GRIP1: variants seen among roughly 807,000 people sequenced by gnomAD.
GRIP1 encodes the protein glutamate receptor-interacting protein 1.
A neutral mutation model predicts 129.9 loss-of-function variants in GRIP1; 45 were observed. That is an observed-to-expected ratio of 0.35 (90% confidence interval 0.27 to 0.44). GRIP1 has a LOEUF of 0.44. Among genes scored for constraint, GRIP1 ranks in the 20% least tolerant of loss-of-function variants. The probability of loss-of-function intolerance (pLI) is 1.00; values close to 1 mark genes in which losing one functional copy is unlikely to be tolerated. For missense variants in GRIP1, 1,196 were observed against 1,396.8 expected (o/e 0.86, Z 2.29); for synonymous variants, 530 against 520.8 (o/e 1.02, Z -0.24).
intron 2 of GRIP1, among the ~76,000 whole-genome samples, chr12:66,563,151 A>G (rs1429968016): frequency 2.0e-5 from 3 of 152,130 alleles, no homozygotes; most frequent in Non-Finnish European, 4.4e-5. Context: ...CAGTTATACT[A>G]TATATACAGT....
intron 1 of GRIP1, among the ~76,000 whole-genome samples, chr12:67,066,287 T>C (rs1025004464): frequency 2.0e-5 from 3 of 152,192 alleles, no homozygotes; most frequent in Non-Finnish European, 4.4e-5. Flanking sequence ...CCCTCAATCT[T>C]TGAATTGAGA....
At chr12:66,797,128 A>G (rs1193381867) in intron 1 of GRIP1, among the ~76,000 whole-genome samples, 1 of 152,166 alleles carries the variant, frequency 6.6e-6, no homozygotes, top group Non-Finnish European at 1.5e-5. Context: ...AGCAGATTAA[A>G]AATTCTATTA....
intron 16 of GRIP1, among the ~76,000 whole-genome samples, chr12:66,400,529 T>A (rs1269783600): frequency 1.3e-5 from 2 of 152,192 alleles, no homozygotes; most frequent in East Asian, 3.9e-4. Flanking sequence ...AAAATATGAA[T>A]CTGTCTTCAA....
chr12:66,841,415 A>AAG (rs967978386), intron 1 of GRIP1, among the ~76,000 whole-genome samples: 7 of 152,254 alleles, frequency 4.6e-5, no homozygotes, highest in Non-Finnish European at 5.9e-5. Context: ...TTTCTATAAA[A>AAG]AGAGAGAGAG....
chr12:66,383,618 G>T (rs754730956), intron 19 of GRIP1, among the ~76,000 whole-genome samples: 2 of 152,166 alleles, frequency 1.3e-5, no homozygotes, highest in African/African-American at 2.4e-5. Context: ...TGTGCTGTGC[G>T]GTAAGCAAGC....
intron 1 of GRIP1, among the ~76,000 whole-genome samples, chr12:66,825,269 T>C (rs1228475391): frequency 6.6e-6 from 1 of 152,210 alleles, no homozygotes; most frequent in African/African-American, 2.4e-5. Flanking sequence ...ATAAAAATTT[T>C]TGCTTCGTAA....
intron 1 of GRIP1, among the ~76,000 whole-genome samples, chr12:67,004,136 G>A (rs1339216837): frequency 6.6e-6 from 1 of 152,136 alleles, no homozygotes; most frequent in Admixed American, 6.5e-5. Flanking sequence ...CTACTAATCT[G>A]CAAAGACTCT....
chr12:66,446,338 C>T (rs2058628538), intron 11 of GRIP1, among the ~76,000 whole-genome samples: 2 of 152,232 alleles, frequency 1.3e-5, no homozygotes, highest in South Asian at 2.1e-4. Flanking sequence ...TGTGGCCACC[C>T]GTGCTCTCTG....
chr12:66,522,050 CCT>C, intron 5 of GRIP1, among the ~76,000 whole-genome samples: 1 of 152,332 alleles, frequency 6.6e-6, no homozygotes, highest in African/African-American at 2.4e-5. Context: ...GGCCTGCCTG[CCT>C]CTGTAGGATC....
chr12:66,895,454 CT>C (rs1426703336), intron 1 of GRIP1, among the ~76,000 whole-genome samples: 9 of 152,144 alleles, frequency 5.9e-5, no homozygotes, highest in Non-Finnish European at 7.4e-5. Context: ...ATCTCTTTTT[CT>C]TTATAAATTA....
chr12:66,406,055 TTATAA>T (rs1467635352), intron 16 of GRIP1, among the ~76,000 whole-genome samples: 26 of 152,354 alleles, frequency 1.7e-4, no homozygotes, highest in African/African-American at 6.3e-4. Flanking sequence ...TTTCATGCAA[TTATAA>T]TATGTTTTCT....
At chr12:66,385,812 G>A (rs2056334259) in intron 19 of GRIP1, among the ~76,000 whole-genome samples, 1 of 152,036 alleles carries the variant, frequency 6.6e-6, no homozygotes, top group African/African-American at 2.4e-5. Context: ...GTTTCACCAT[G>A]TTGGCCAGGC....
intron 2 of GRIP1, among the ~76,000 whole-genome samples, chr12:66,547,886 T>C (rs2061995140): frequency 6.6e-6 from 1 of 152,198 alleles, no homozygotes; most frequent in Non-Finnish European, 1.5e-5. Flanking sequence ...TACATATAGT[T>C]CTGTAGATAT....
intron 13 of GRIP1, 81 bp downstream of exon 13, chr12:66,444,503 A>AAT: frequency 8.0e-7 from 1 of 1,247,728 alleles, no homozygotes; most frequent in African/African-American, 1.6e-5. Context: ...AAAAAAAAAA[A>AAT]AAAAAAAAAA....
At chr12:66,634,807 C>T (rs1000490972) in intron 1 of GRIP1, among the ~76,000 whole-genome samples, 15 of 152,202 alleles carry the variant, frequency 9.9e-5, no homozygotes, top group Non-Finnish European at 1.8e-4. Flanking sequence ...CCCCTGCCTA[C>T]GGGGTATCAT....
intron 7 of GRIP1, among the ~76,000 whole-genome samples, chr12:66,467,106 G>A (rs1265806356): frequency 6.6e-6 from 1 of 152,182 alleles, no homozygotes; most frequent in Non-Finnish European, 1.5e-5. Context: ...AGATTGAAAT[G>A]TTAGTCCTTA....
chr12:66,814,864 G>A (rs1385944254), intron 1 of GRIP1, among the ~76,000 whole-genome samples: 1 of 151,922 alleles, frequency 6.6e-6, no homozygotes, highest in Non-Finnish European at 1.5e-5. Flanking sequence ...GCAGCAGGAT[G>A]GAGTGAGTGT....
intron 1 of GRIP1, among the ~76,000 whole-genome samples, 170 bp from the exon 2 acceptor site, chr12:66,597,097 ATGT>A (rs1334845365): frequency 6.6e-6 from 1 of 152,184 alleles, no homozygotes; most frequent in East Asian, 1.9e-4. Flanking sequence ...ATCTTTGAAA[ATGT>A]TGTGAATATG....
chr12:66,933,364 T>G lies in GRIP1; in HGVS notation c.58+135686A>C, dbSNP rs185186787. 8.5e-5 allele frequency among the ~76,000 whole-genome samples: 13 copies of G among 152,282 alleles called. No homozygotes were observed. The East Asian group carries it at 2.5e-3, about 29-fold the overall frequency. On this transcript the variant is annotated intron_variant, in intron 1 of 1. Transcript: ENST00000643019. ...CTGCACAATTAAGCTAAAAATAAAT[T>G]GTCTTATATGGAAACCACTGCTGAG...
Sources: allele counts gnomAD v4.1 joint callset (sites outside exome capture counted in the v4.1 genomes callset), GRCh38; gene constraint gnomAD v4.1.1; transcripts MANE v1.5; gene names NCBI Gene and HGNC (gene_info 2026-07-23, HGNC 2026-07-21).